ZNF211: variants seen among roughly 807,000 people sequenced by gnomAD.
ZNF211 encodes zinc finger protein C2H2-25.
In ZNF211, 18 loss-of-function variants were observed where a neutral mutation model predicts 12.1. That is an observed-to-expected ratio of 1.48 (90% CI 1.03 to 2.20). The LOEUF is 2.20. ZNF211 is among the 30% of genes most tolerant of loss of function. ZNF211 has a pLI of 0.00. For synonymous variants in ZNF211, 249 were observed against 246.0 expected (o/e 1.01, Z -0.11); for missense variants, 677 against 703.1 (o/e 0.96, Z 0.42).
Position 57,641,599 on chromosome 19 carries a change from C to T in ZNF211, c.1152C>T (p.Cys384=). 1 of 1,612,674 alleles carries T rather than the reference C, an allele frequency of 6.2e-7. No homozygotes were observed. The highest frequency in any genetic ancestry group is 8.5e-7 in the Non-Finnish European group (1 of 1,179,096). Residue 384 remains cysteine, a synonymous_variant, in exon 4 of 4, where the codon TGC becomes TGT. Transcript: ENST00000240731. ...RVHTGERPYE[C]SECGKSFSQN... ...ACACTGGAGAAAGGCCTTATGAATG[C>T]AGCGAATGTGGGAAATCTTTTAGCC...
In ZNF211 at chr19:57,641,109, CAG is replaced by C. The variant is rs1268496614; in HGVS notation, c.663_664del (p.Lys224AlafsTer3). 5 of 1,614,036 alleles carry C rather than the reference CAG, an allele frequency of 3.1e-6. No individual in the cohort carries two copies. In the South Asian group the frequency reaches 3.3e-5, roughly 11 times the overall value. On this transcript the variant is annotated frameshift_variant, in exon 4 of 4. Transcript: ENST00000240731. LOFTEE classifies it low-confidence loss of function (END_TRUNC). ...TTTCTCCATCAAGACGCCACTCAAA[CAG>C]GGGAGAAGCCAAATAACAGTAACAA...
At position 57,642,937 on chromosome 19, in the gene ZNF211, A is replaced by T. The variant is rs3746209; in HGVS notation, c.*756A>T. On this transcript the variant is annotated 3_prime_UTR_variant, in exon 4 of 4. Transcript: ENST00000240731. Reference sequence around the variant, plus strand: ...GTCTTTCCAGCTTTGGCCTAATCTGAATTTGAATTATTGCCCAAGGCCTTC... The same window carrying T: ...GTCTTTCCAGCTTTGGCCTAATCTGTATTTGAATTATTGCCCAAGGCCTTC... Among the ~76,000 whole-genome samples, 27,452 of 151,956 alleles carry T rather than the reference A, an allele frequency of 0.18. 2,646 individuals are homozygous for T. The highest frequency in any genetic ancestry group is 0.32 in the East Asian group (1,645 of 5,150).
At chr19:57,637,080 C>A (rs1475898818) in intron 3 of ZNF211, among the ~76,000 whole-genome samples, 1 of 152,140 alleles carries the variant, frequency 6.6e-6, no homozygotes, top group Non-Finnish European at 1.5e-5. Flanking sequence ...TTAGTTGTAA[C>A]AGTTTTTCAG....
chr19:57,639,353 CA>C (rs1396730002), intron 3 of ZNF211, among the ~76,000 whole-genome samples: 1 of 89,872 alleles, frequency 1.1e-5, no homozygotes, highest in Admixed American at 1.2e-4. Context: ...GTGTTTGGCT[CA>C]CTTTTTTTTT....
intron 2 of ZNF211, chr19:57,634,303 G>T: frequency 2.0e-6 from 1 of 490,202 alleles, no homozygotes. Context: ...ACCAGCTTTT[G>T]GAACTCCTTG....
intron 3 of ZNF211, among the ~76,000 whole-genome samples, chr19:57,635,181 G>A (rs10409334): frequency 0.18 from 26,681 of 151,994 alleles, 2,418 homozygotes; most frequent in East Asian, 0.32. Context: ...AAATTGTGCC[G>A]CAGAGACATT....
intron 3 of ZNF211, among the ~76,000 whole-genome samples, chr19:57,637,775 T>C (rs1461662098): frequency 6.6e-6 from 1 of 152,166 alleles, no homozygotes; most frequent in Non-Finnish European, 1.5e-5. Context: ...TGAGTTTAGA[T>C]GTGTGTATGC....
chr19:57,640,064 T>A, intron 3 of ZNF211: 1 of 1,535,570 alleles, frequency 6.5e-7, no homozygotes, highest in Non-Finnish European at 8.7e-7. Flanking sequence ...AGGCATGTCA[T>A]CAGGTCTGTG....
chr19:57,640,161 C>G, intron 3 of ZNF211: 1 of 1,360,576 alleles, frequency 7.3e-7, no homozygotes, highest in Non-Finnish European at 9.7e-7. Flanking sequence ...CCTCTTCACT[C>G]TTAACAGTTT....
At chr19:57,640,104 T>G (rs1982698441) in intron 3 of ZNF211, 7 of 1,523,390 alleles carry the variant, frequency 4.6e-6, no homozygotes, top group Non-Finnish European at 6.1e-6. Flanking sequence ...CTGTCCTGTT[T>G]GACTTGTCTT....
At chr19:57,639,782 A>G (rs1982639570) in intron 3 of ZNF211, 1 of 1,019,288 alleles carries the variant, frequency 9.8e-7, no homozygotes, top group South Asian at 1.8e-5. Flanking sequence ...GATTACATTT[A>G]ACATCCTAAA....
rs139177925 is a variant in ZNF211 at position 57,643,575 on chromosome 19, C to T, written c.*1394C>T. 1.3e-5 allele frequency among the ~76,000 whole-genome samples: 2 copies of T among 152,308 alleles called. No homozygotes were observed. Among genetic ancestry groups the T allele is most frequent in the Non-Finnish European group, 2.9e-5 (2 of 68,024 alleles). ...TGTTTAAATGAATTCAAATCAGTTT[C>T]ATTGATTACCAGTATTTGCTGCCCA... On this transcript the variant is annotated 3_prime_UTR_variant, in exon 4 of 4. Coordinates refer to ENST00000240731, the MANE Select transcript of ZNF211 (RefSeq NM_006385.5).
At chr19:57,634,242 GGA>G in intron 2 of ZNF211, 181 bp downstream of exon 2, 2 of 620,820 alleles carry the variant, frequency 3.2e-6, no homozygotes, top group Non-Finnish European at 5.1e-6. Context: ...GTTTCCATTT[GGA>G]GCAGCCAATG....
At position 57,640,818 on chromosome 19, in the gene ZNF211, C is replaced by T. The variant is rs377105656; in HGVS notation, c.371C>T (p.Ser124Phe). 43 of 1,614,216 alleles carry T rather than the reference C, an allele frequency of 2.7e-5. 1 individual carries two copies. In the African/African-American group the frequency reaches 5.5e-4, roughly 21 times the overall value. ...KEGSSSQNAD[S>F]CEICCLVLRD... ...GGTTCATCTTCCCAGAATGCCGACTCCTGTGAAATATGTTGCCTGGTCTTG... is the reference window on the plus strand; with the variant it reads ...GGTTCATCTTCCCAGAATGCCGACTTCTGTGAAATATGTTGCCTGGTCTTG... Residue 124 changes from serine to phenylalanine, a missense_variant, in exon 4 of 4, where the codon TCC (serine) becomes TTC (phenylalanine). Coordinates refer to ENST00000240731, the MANE Select transcript of ZNF211 (RefSeq NM_006385.5).
rs201650717 is a variant in ZNF211, at chr19:57,633,363, C to T, written c.17C>T (p.Pro6Leu). The change falls in exon 1 of 4, where the codon CCG becomes CTG. Residue 6 changes from proline (P) to leucine (L), a missense_variant. Transcript: ENST00000240731. ...GGGATAGCGATGCTCGGGTTCCCCC[C>T]GGGTCGCCCGCAGCTCCCGGTCCAG... MLGFP[P>L]GRPQLPVQLR... is the part of the protein sequence containing the mutation. 299 of 1,597,356 alleles carry T rather than the reference C, an allele frequency of 1.9e-4. No individual in the cohort carries two copies. Among genetic ancestry groups the T allele is most frequent in the Admixed American group, 1.3e-3 (75 of 58,398 alleles).
At chr19:57,638,836 C>CT (rs1356576010) in intron 3 of ZNF211, among the ~76,000 whole-genome samples, 1 of 152,186 alleles carries the variant, frequency 6.6e-6, no homozygotes, top group African/African-American at 2.4e-5. Context: ...CTATCCATTT[C>CT]TCCCTTCAGT....
In ZNF211 at chr19:57,641,386, C is replaced by T. The variant is rs1982914475; in HGVS notation, c.939C>T (p.Phe313=). 1 of 1,614,016 alleles carries T rather than the reference C, an allele frequency of 6.2e-7. No homozygotes were observed. The highest frequency in any genetic ancestry group is 8.5e-7 in the Non-Finnish European group (1 of 1,180,016). ...AATTCTTTACCTACTACTCCAGTTTCATTATACATCAGAGAGTTCATACTG... is the reference window on the plus strand; with the variant it reads ...AATTCTTTACCTACTACTCCAGTTTTATTATACATCAGAGAGTTCATACTG... ...CGKFFTYYSS[F]IIHQRVHTGE... The change falls in exon 4 of 4, where the codon TTC becomes TTT. Residue 313 remains phenylalanine (F), a synonymous_variant. Transcript: ENST00000240731.
chr19:57,633,723 G>A, intron 1 of ZNF211: 2 of 1,533,408 alleles, frequency 1.3e-6, no homozygotes, highest in African/African-American at 1.4e-5. Flanking sequence ...GGCCGTGGGA[G>A]CCATAGAGAG....
rs1983039247 is a variant in ZNF211 at position 57,642,074 on chromosome 19, G to A, written c.1627G>A (p.Val543Ile). The change falls in exon 4 of 4, where the codon GTT (valine) becomes ATT (isoleucine). Residue 543 changes from valine to isoleucine, a missense_variant. Physicochemically the swap from Val to Ile is conservative, Grantham distance 29 (BLOSUM62 3). Coordinates refer to ENST00000240731, the MANE Select transcript of ZNF211 (RefSeq NM_006385.5). ...TTCTAGCCTCATTCAACACCGCAGAGTTCACACGGGAAAAAGGCCTTATCA... is the reference window on the plus strand; with the variant it reads ...TTCTAGCCTCATTCAACACCGCAGAATTCACACGGGAAAAAGGCCTTATCA... ...QSSSLIQHRR[V>I]HTGKRPYQCS... The A allele has an allele frequency of 1.2e-6, 2 of 1,614,008 alleles. No homozygotes were observed. The highest frequency in any genetic ancestry group is 2.7e-5 in the African/African-American group (2 of 74,930).
Sources: allele counts gnomAD v4.1 joint callset (sites outside exome capture counted in the v4.1 genomes callset), GRCh38; gene constraint gnomAD v4.1.1; transcripts MANE v1.5; gene names NCBI Gene and HGNC (gene_info 2026-07-23, HGNC 2026-07-21).